Variants in PHLDA3 observed in about 807,000 individuals in gnomAD.
PHLDA3 encodes the protein pleckstrin homology-like domain family A member 3.
PHLDA3 carries 12 observed loss-of-function variants against 7.6 expected under a neutral mutation model. That is an observed-to-expected ratio of 1.58 (90% confidence interval 1.01 to 2.55). The LOEUF is 2.55. Among genes scored for constraint, PHLDA3 ranks in the 30% most tolerant of loss-of-function variants. The probability of loss-of-function intolerance (pLI) is 0.00; values close to 1 mark genes in which losing one functional copy is unlikely to be tolerated. For synonymous variants in PHLDA3, 104 were observed against 85.1 expected (o/e 1.22, Z -1.23); for missense variants, 177 against 175.6 (o/e 1.01, Z -0.05).
At chr1:201,467,834 C>A (rs1663707945) in intron 1 of PHLDA3, among the ~76,000 whole-genome samples, 1 of 152,222 alleles carries the variant, frequency 6.6e-6, no homozygotes, top group African/African-American at 2.4e-5. Context: ...GAGATACTGT[C>A]TTTCTACATC....
chr1:201,468,300 G>A, intron 1 of PHLDA3, 41 bp downstream of exon 1: 2 of 1,238,922 alleles, frequency 1.6e-6, no homozygotes, highest in Non-Finnish European at 1.2e-6. Context: ...AAAGAGAAGG[G>A]AGGGAAGGAG....
At chr1:201,466,895 C>A (rs1415143255) in intron 1 of PHLDA3, among the ~76,000 whole-genome samples, 1 of 151,702 alleles carries the variant, frequency 6.6e-6, no homozygotes, top group East Asian at 1.9e-4. Flanking sequence ...GACTGGCACT[C>A]AGGGGCAGGT....
At chr1:201,468,188 C>G (rs983551114) in intron 1 of PHLDA3, among the ~76,000 whole-genome samples, 153 bp downstream of exon 1, 1 of 152,240 alleles carries the variant, frequency 6.6e-6, no homozygotes, top group Admixed American at 6.5e-5. Flanking sequence ...CTGGGTTGGC[C>G]ACTGGCCCAA....
At chr1:201,468,227 A>C in intron 1 of PHLDA3, 114 bp downstream of exon 1, 2 of 790,674 alleles carry the variant, frequency 2.5e-6, no homozygotes, top group Non-Finnish European at 3.8e-6. Flanking sequence ...TGGCCCCAGG[A>C]ACCTCCCCCC....
Position 201,464,609 on chromosome 1 carries a change from G to A in PHLDA3, c.*1632C>T, listed in dbSNP as rs1281957733. 1 of 152,184 alleles carries A rather than the reference G, an allele frequency of 6.6e-6. No individual in the cohort carries two copies. The highest frequency in any genetic ancestry group is 1.5e-5 in the Non-Finnish European group (1 of 68,042). 9.4% of individuals were successfully genotyped at this position (152,184 alleles called of 1,614,324 possible). A position where few individuals can be genotyped will look rare whatever the true frequency, so the allele number is the denominator to read the frequency against. ...AAGGGACTTCGAATTGCTGAATGGGGCCACTGAGCCTCCTTGCTCCCTCCA... is the reference window on the plus strand; with the variant it reads ...AAGGGACTTCGAATTGCTGAATGGGACCACTGAGCCTCCTTGCTCCCTCCA... On this transcript the variant is annotated 3_prime_UTR_variant, in exon 2 of 2. Transcript: ENST00000367311.
At chr1:201,468,191 T>C in intron 1 of PHLDA3, 150 bp downstream of exon 1, 1 of 617,180 alleles carries the variant, frequency 1.6e-6, no homozygotes, top group Non-Finnish European at 2.7e-6. Context: ...GGTTGGCCAC[T>C]GGCCCAAGCC....
At chr1:201,467,006 C>T (rs1663678526) in intron 1 of PHLDA3, among the ~76,000 whole-genome samples, 1 of 152,164 alleles carries the variant, frequency 6.6e-6, no homozygotes, top group Admixed American at 6.5e-5. Flanking sequence ...CCCTAGGGCT[C>T]AAAACCCACT....
At chr1:201,466,525 C>G (rs1355154106) in intron 1 of PHLDA3, 1 of 152,076 alleles carries the variant, frequency 6.6e-6, no homozygotes, top group African/African-American at 2.4e-5. Flanking sequence ...CATCTGCAGG[C>G]GGGTAAGGTC....
chr1:201,466,065 C>A lies in PHLDA3; in HGVS notation c.*176G>T, dbSNP rs1663658536. On this transcript the variant is annotated 3_prime_UTR_variant, in exon 2 of 2. Transcript: ENST00000367311. ...TCAGCCCTGCGTAGCCTTCTGCCCT[C>A]CTCCCAGGGCTCGTCCATTCCTTCA... The A allele has an allele frequency of 6.4e-6, 1 of 155,218 alleles. No homozygotes were observed. Among genetic ancestry groups the A allele is most frequent in the Non-Finnish European group, 1.5e-5 (1 of 68,600 alleles). 9.6% of individuals were successfully genotyped at this position (155,218 alleles called of 1,614,324 possible). A position where few individuals can be genotyped will look rare whatever the true frequency, so the allele number is the denominator to read the frequency against.
intron 1 of PHLDA3, chr1:201,467,646 A>G (rs1558299116): frequency 2.6e-5 from 1 of 38,508 alleles, no homozygotes; most frequent in African/African-American, 7.6e-5. Context: ...CCATACACAC[A>G]CACACACACA....
chr1:201,468,714 G>A lies in PHLDA3; in HGVS notation c.73C>T (p.Leu25=), dbSNP rs1364069683. The A allele has an allele frequency of 6.9e-6, 11 of 1,604,790 alleles. 1 individual carries two copies. The highest frequency in any genetic ancestry group is 2.2e-5 in the East Asian group (1 of 44,670). Residue 25 remains leucine (L), a synonymous_variant, in exon 1 of 2, where the codon CTG becomes TTG. Coordinates refer to ENST00000367311, the MANE Select transcript of PHLDA3 (RefSeq NM_012396.5). Reference sequence around the variant, plus strand: ...AGGACGCAGCGCTTCCGCTTCCACAGCTGCAGCAGCCCGCCGCTGCGCTTC... The same window carrying A: ...AGGACGCAGCGCTTCCGCTTCCACAACTGCAGCAGCCCGCCGCTGCGCTTC... ...LEKRSGGLLQ[L]WKRKRCVLTE...
chr1:201,468,374 C>T lies in PHLDA3; in HGVS notation c.*29G>A, dbSNP rs1162823360. ...ACCTCAGCACTGAGGTGGTGGGTAG[C>T]ATGAAGGAAAGATGGTGCGCCCGGT... On this transcript the variant is annotated 3_prime_UTR_variant, in exon 1 of 2. Transcript: ENST00000367311. 5.0e-6 allele frequency: 8 copies of T among 1,613,022 alleles called. 1 individual carries two copies. The highest frequency in any genetic ancestry group is 4.5e-5 in the East Asian group (2 of 44,880).
chr1:201,467,982 C>G (rs1048586622), intron 1 of PHLDA3, among the ~76,000 whole-genome samples: 1 of 152,242 alleles, frequency 6.6e-6, no homozygotes, highest in African/African-American at 2.4e-5. Context: ...GCGTGGAAAG[C>G]AGAGGCCCAC....
At chr1:201,466,203 A>G (rs1320707884) in intron 1 of PHLDA3, 25 bp from the exon 2 acceptor site, 2 of 154,020 alleles carry the variant, frequency 1.3e-5, no homozygotes, top group Non-Finnish European at 2.9e-5. Context: ...CAGCAGTTAG[A>G]GCAGGGGCAA....
At chr1:201,467,639 TACACACACAC>T (rs56225084) in intron 1 of PHLDA3, 4,918 of 139,996 alleles carry the variant, frequency 0.035, 212 homozygotes, top group East Asian at 0.16. Context: ...CAACAAACCA[TACACACACAC>T]ACACACACAC....
chr1:201,467,410 A>G (rs1663690059), intron 1 of PHLDA3: 3 of 152,402 alleles, frequency 2.0e-5, no homozygotes, highest in African/African-American at 7.2e-5. Flanking sequence ...CAGGAGTTCA[A>G]GACCAGCCTG....
chr1:201,468,390 T>A lies in PHLDA3; in HGVS notation c.*13A>T. 6.2e-7 allele frequency: 1 copy of A among 1,613,648 alleles called. No homozygotes were observed. Among genetic ancestry groups the A allele is most frequent in the African/African-American group, 1.3e-5 (1 of 75,018 alleles). ...GGTGGGTAGCATGAAGGAAAGATGG[T>A]GCGCCCGGTGGTTTAGGACACGAGG... On this transcript the variant is annotated 3_prime_UTR_variant, in exon 1 of 2. Coordinates refer to ENST00000367311, the MANE Select transcript of PHLDA3 (RefSeq NM_012396.5).
At position 201,464,805 on chromosome 1, in the gene PHLDA3, G is replaced by GT. The variant is rs11400295; in HGVS notation, c.*1435dup. Reference sequence around the variant, plus strand: ...AGCTATTGTCTGTACCTGTTTTCCCGTTTTTTTTGTTGTTGTTGTTTTGAG... The same window carrying GT: ...AGCTATTGTCTGTACCTGTTTTCCCGTTTTTTTTTGTTGTTGTTGTTTTGAG... On this transcript the variant is annotated 3_prime_UTR_variant, in exon 2 of 2. Transcript: ENST00000367311. 81,715 of 144,548 alleles carry GT rather than the reference G, an allele frequency of 0.57. 22,797 individuals are homozygous for GT. The highest frequency in any genetic ancestry group is 0.62 in the Non-Finnish European group (41,037 of 66,664). The allele number at this position is 144,548 out of a possible 1,614,324, so 9.0% of individuals were successfully genotyped here.
rs189612371 is a variant in PHLDA3 at position 201,466,078 on chromosome 1, G to C, written c.*163C>G. The C allele has an allele frequency of 1.9e-5, 3 of 155,300 alleles. No individual in the cohort carries two copies. Among genetic ancestry groups the C allele is most frequent in the Non-Finnish European group, 4.4e-5 (3 of 68,678 alleles). The allele number at this position is 155,300 out of a possible 1,614,324, so 9.6% of individuals were successfully genotyped here. On this transcript the variant is annotated 3_prime_UTR_variant, in exon 2 of 2. Transcript: ENST00000367311. Reference sequence around the variant, plus strand: ...GCCTTCTGCCCTCCTCCCAGGGCTCGTCCATTCCTTCAGCTCCAGCGCCTC... The same window carrying C: ...GCCTTCTGCCCTCCTCCCAGGGCTCCTCCATTCCTTCAGCTCCAGCGCCTC...
Sources: allele counts gnomAD v4.1 joint callset (sites outside exome capture counted in the v4.1 genomes callset), GRCh38; gene constraint gnomAD v4.1.1; transcripts MANE v1.5; gene names NCBI Gene and HGNC (gene_info 2026-07-23, HGNC 2026-07-21).